Variants in CNTNAP2 observed in about 807,000 individuals in gnomAD.
CNTNAP2 encodes the protein contactin associated protein 2.
CNTNAP2 carries 98 observed loss-of-function variants against 155.2 expected under a neutral mutation model. The observed-to-expected ratio is 0.63, with a 90% CI of 0.54 to 0.75. CNTNAP2 has a LOEUF of 0.75. Among genes scored for constraint, CNTNAP2 ranks in the 30% least tolerant of loss-of-function variants. CNTNAP2 has a pLI of 0.00. For synonymous variants in CNTNAP2, 651 were observed against 631.2 expected, an observed-to-expected ratio of 1.03 and a Z score of -0.47; for missense variants, 1,727 against 1,688.1, an observed-to-expected ratio of 1.02 and a Z score of -0.40.
intron 15 of CNTNAP2, among the ~76,000 whole-genome samples, chr7:148,006,476 C>T (rs890727061): frequency 3.3e-5 from 5 of 151,726 alleles, no homozygotes; most frequent in Non-Finnish European, 5.9e-5. Context: ...TGCGCCACCA[C>T]GCCTGGCTAT....
At chr7:148,402,941 G>A (rs1037144452) in intron 22 of CNTNAP2, among the ~76,000 whole-genome samples, 3 of 146,654 alleles carry the variant, frequency 2.0e-5, no homozygotes, top group Non-Finnish European at 3.0e-5. Context: ...ACTTCAATAT[G>A]TTTTGTTTGC....
At chr7:146,708,936 T>C (rs765964747) in intron 1 of CNTNAP2, among the ~76,000 whole-genome samples, 2 of 152,028 alleles carry the variant, frequency 1.3e-5, no homozygotes, top group Non-Finnish European at 2.9e-5. Flanking sequence ...TTTATGTATG[T>C]TTGAGATATA....
intron 9 of CNTNAP2, among the ~76,000 whole-genome samples, chr7:147,324,771 T>TG (rs57740445): frequency 1.5e-4 from 22 of 151,724 alleles, no homozygotes; most frequent in Non-Finnish European, 2.9e-4. Flanking sequence ...AACAATGAGC[T>TG]GGGGGGGCAT....
intron 20 of CNTNAP2, among the ~76,000 whole-genome samples, chr7:148,255,531 A>C (rs1796441383): frequency 6.6e-6 from 1 of 152,228 alleles, no homozygotes; most frequent in African/African-American, 2.4e-5. Context: ...ACTGTGTGAA[A>C]GCTAATTTTT....
intron 13 of CNTNAP2, among the ~76,000 whole-genome samples, chr7:147,898,981 T>C (rs1799817230): frequency 6.6e-6 from 1 of 152,174 alleles, no homozygotes; most frequent in African/African-American, 2.4e-5. Context: ...TTTTTAGGTC[T>C]GAATAATATT....
intron 11 of CNTNAP2, among the ~76,000 whole-genome samples, chr7:147,536,021 T>C (rs1306046762): frequency 6.6e-6 from 1 of 152,148 alleles, no homozygotes; most frequent in East Asian, 1.9e-4. Flanking sequence ...CCACACATAC[T>C]CACCCCAGTA....
At chr7:146,961,684 T>C (rs1422561921) in intron 3 of CNTNAP2, among the ~76,000 whole-genome samples, 1 of 152,164 alleles carries the variant, frequency 6.6e-6, no homozygotes, top group Non-Finnish European at 1.5e-5. Flanking sequence ...AGGCGGCTGA[T>C]ATTGTTGAGC....
chr7:146,741,418 C>A (rs117347712), intron 1 of CNTNAP2, among the ~76,000 whole-genome samples: 1 of 152,110 alleles, frequency 6.6e-6, no homozygotes, highest in Non-Finnish European at 1.5e-5. Context: ...AAGATGGGTG[C>A]CTAGACACAA....
At chr7:146,350,074 G>T (rs1281153598) in intron 1 of CNTNAP2, among the ~76,000 whole-genome samples, 3 of 152,166 alleles carry the variant, frequency 2.0e-5, no homozygotes, top group Non-Finnish European at 4.4e-5. Flanking sequence ...TTTCCAACTT[G>T]ATTCCATTCT....
intron 1 of CNTNAP2, among the ~76,000 whole-genome samples, chr7:146,767,408 G>A (rs896905063): frequency 5.9e-5 from 9 of 152,080 alleles, no homozygotes; most frequent in Admixed American, 1.3e-4. Flanking sequence ...GTTTATTTGC[G>A]TGCATATCTA....
chr7:148,312,758 G>A (rs1248462656), intron 21 of CNTNAP2, among the ~76,000 whole-genome samples: 2 of 152,172 alleles, frequency 1.3e-5, no homozygotes, highest in African/African-American at 4.8e-5. Flanking sequence ...AGTGATAACA[G>A]ACTTTAATCC....
intron 3 of CNTNAP2, among the ~76,000 whole-genome samples, chr7:146,966,362 A>G (rs767055127): frequency 5.3e-5 from 8 of 152,190 alleles, no homozygotes; most frequent in Non-Finnish European, 8.8e-5. Flanking sequence ...ACACTCTTAC[A>G]TGAAAATTCA....
intron 15 of CNTNAP2, among the ~76,000 whole-genome samples, chr7:148,027,082 T>A (rs1802389338): frequency 6.6e-6 from 1 of 152,200 alleles, no homozygotes; most frequent in South Asian, 2.1e-4. Flanking sequence ...CCTAATTTTT[T>A]CTGTGGGTTT....
chr7:147,736,837 G>T (rs978610008), intron 13 of CNTNAP2, among the ~76,000 whole-genome samples: 4 of 152,194 alleles, frequency 2.6e-5, no homozygotes, highest in South Asian at 2.1e-4. Flanking sequence ...TTGTGCATTC[G>T]TCACGTAGTT....
intron 11 of CNTNAP2, among the ~76,000 whole-genome samples, chr7:147,526,842 CTT>C (rs1023007897): frequency 1.3e-5 from 2 of 151,960 alleles, no homozygotes; most frequent in African/African-American, 4.8e-5. Context: ...TTCCAAATAA[CTT>C]GGGATTTGGG....
At chr7:147,331,297 C>T (rs1023120862) in intron 9 of CNTNAP2, among the ~76,000 whole-genome samples, 4 of 151,892 alleles carry the variant, frequency 2.6e-5, no homozygotes, top group Admixed American at 6.6e-5. Flanking sequence ...CTGGCTTGGA[C>T]GACTAGTAGA....
At chr7:148,252,884 G>T (rs1225525065) in intron 20 of CNTNAP2, among the ~76,000 whole-genome samples, 1 of 152,068 alleles carries the variant, frequency 6.6e-6, no homozygotes, top group Non-Finnish European at 1.5e-5. Flanking sequence ...GCCCAGAGTA[G>T]TCAGGTGCTC....
intron 1 of CNTNAP2, among the ~76,000 whole-genome samples, chr7:146,588,467 TTAAAC>T (rs1451829404): frequency 9.9e-5 from 15 of 152,122 alleles, no homozygotes; most frequent in Non-Finnish European, 4.4e-5. Flanking sequence ...AATACAGTCT[TTAAAC>T]AAAACAAAAT....
In CNTNAP2 at chr7:148,392,573, T is replaced by G. The variant is rs77917090; in HGVS notation, c.3715+8685T>G. Among the ~76,000 whole-genome samples the G allele has an allele frequency of 6.5e-3, 988 of 152,288 alleles. 3 individuals are homozygous for G. Among genetic ancestry groups the G allele is most frequent in the Middle Eastern group, 0.02 (6 of 294 alleles). On this transcript the variant is annotated intron_variant, in intron 22 of 23. Transcript: ENST00000361727. The stretch of plus-strand genomic sequence containing the variant: ...CCTAACGCTAACCTGCATCTGACAC[T>G]GGGAGGTCCTTGACCAGGAATTCTC...
Sources: gnomAD v4.1 joint callset for allele counts (sites outside exome capture counted in the v4.1 genomes callset) on GRCh38, gnomAD v4.1.1 for gene constraint, MANE v1.5 for transcripts, NCBI Gene and HGNC (gene_info 2026-07-23, HGNC 2026-07-21) for gene names.